PCGF3: variants seen among roughly 807,000 people sequenced by gnomAD.
The protein encoded by PCGF3 is polycomb group ring finger 3.
A neutral mutation model predicts 33.1 loss-of-function variants in PCGF3; 7 were observed. That is an observed-to-expected ratio of 0.21 (90% CI 0.12 to 0.40). The LOEUF is 0.40. Among genes scored for constraint, PCGF3 ranks in the 10% least tolerant of loss-of-function variants. PCGF3 has a pLI of 1.00. For missense variants in PCGF3, 211 were observed against 313.3 expected, an observed-to-expected ratio of 0.67 and a Z score of 2.46; for synonymous variants, 153 against 121.3, an observed-to-expected ratio of 1.26 and a Z score of -1.72.
rs865931648 is a variant in PCGF3, at chr4:707,766, T to C, written c.-190+1796T>C. ...ACCCTGAGACAGCTCTGTTTTCACC[T>C]GGGGGCCGGGACCCTGGGACAGCTC... is the stretch of plus-strand genomic sequence containing the variant. On this transcript the variant is annotated intron_variant, in intron 1 of 10. Transcript: ENST00000362003. Among the ~76,000 whole-genome samples, 29 of 111,182 alleles carry C rather than the reference T, an allele frequency of 2.6e-4. 2 individuals are homozygous for C. Among genetic ancestry groups the C allele is most frequent in the East Asian group, 3.3e-4 (1 of 3,068 alleles). The allele number at this position is 111,182 out of a possible 152,430, so 72.9% of individuals were successfully genotyped here. A position where few individuals can be genotyped will look rare whatever the true frequency, so the allele number is the denominator to read the frequency against.
chr4:761,318 G>C (rs547312640), exon 9 of PCGF3: 2 of 1,606,876 alleles, frequency 1.2e-6, no homozygotes, highest in East Asian at 2.2e-5. Flanking sequence ...CAAACTGCGC[G>C]GGCTGAAGCG....
chr4:763,333 G>A (rs753722845), intron 9 of PCGF3, among the ~76,000 whole-genome samples: 4 of 152,120 alleles, frequency 2.6e-5, no homozygotes, highest in Non-Finnish European at 4.4e-5. Flanking sequence ...GTGGGGAAGA[G>A]GTTGGCCATT....
chr4:733,056 GC>G (rs1262963541), intron 3 of PCGF3, among the ~76,000 whole-genome samples: 41 of 141,306 alleles, frequency 2.9e-4, no homozygotes, highest in African/African-American at 1.0e-3. Flanking sequence ...TGGGGCCCCT[GC>G]CGCGTGCTGC....
At chr4:729,901 A>G (rs1042518768) in intron 1 of PCGF3, among the ~76,000 whole-genome samples, 1 of 151,956 alleles carries the variant, frequency 6.6e-6, no homozygotes, top group Non-Finnish European at 1.5e-5. Context: ...TGTTTCCCCA[A>G]CTCACACAGG....
intron 5 of PCGF3, 88 bp from the exon 6 acceptor site, chr4:737,378 C>G: frequency 2.2e-6 from 2 of 891,046 alleles, no homozygotes; most frequent in Non-Finnish European, 3.7e-6. Context: ...ACTGGTGATT[C>G]TGAACTTTGA....
At chr4:743,354 TTAG>T (rs1171106652) in intron 6 of PCGF3, 117 bp from the exon 7 acceptor site, 2 of 646,640 alleles carry the variant, frequency 3.1e-6, no homozygotes, top group Non-Finnish European at 5.6e-6. Flanking sequence ...TGCTTTCTTA[TTAG>T]TAGCCTTCAA....
intron 8 of PCGF3, among the ~76,000 whole-genome samples, chr4:748,254 C>G (rs148513298): frequency 1.3e-5 from 2 of 151,262 alleles, no homozygotes; most frequent in Non-Finnish European, 2.9e-5. Flanking sequence ...GGCTGGAATG[C>G]GGTGGCACCA....
At chr4:738,105 G>A (rs1743914880) in intron 6 of PCGF3, among the ~76,000 whole-genome samples, 1 of 152,244 alleles carries the variant, frequency 6.6e-6, no homozygotes, top group African/African-American at 2.4e-5. Context: ...GCCAAGGAGG[G>A]GCCAGGTCAG....
intron 1 of PCGF3, among the ~76,000 whole-genome samples, chr4:730,312 T>A (rs1337694145): frequency 1.3e-5 from 2 of 152,072 alleles, no homozygotes; most frequent in Non-Finnish European, 2.9e-5. Context: ...TCTGGGGGGC[T>A]CCACAGACTC....
chr4:707,487 G>C (rs967589737), intron 1 of PCGF3, among the ~76,000 whole-genome samples: 1 of 141,356 alleles, frequency 7.1e-6, no homozygotes, highest in Non-Finnish European at 1.5e-5. Flanking sequence ...CCTGGGGGCC[G>C]GGACCCTGGG....
chr4:741,920 T>C (rs1744109947), intron 6 of PCGF3, among the ~76,000 whole-genome samples: 1 of 152,178 alleles, frequency 6.6e-6, no homozygotes, highest in Non-Finnish European at 1.5e-5. Context: ...TGCAGACTGA[T>C]GGGAACAGCC....
At chr4:715,688 T>C (rs375438765) in intron 1 of PCGF3, among the ~76,000 whole-genome samples, 8 of 123,232 alleles carry the variant, frequency 6.5e-5, no homozygotes, top group South Asian at 3.0e-4. Flanking sequence ...GTGTGAGAAC[T>C]GGGCGTCGGT....
At chr4:739,719 G>A (rs573734263) in intron 6 of PCGF3, among the ~76,000 whole-genome samples, 106 of 152,168 alleles carry the variant, frequency 7.0e-4, no homozygotes, top group Non-Finnish European at 4.0e-4. Context: ...CCGTTCCATC[G>A]CTCGTCTCCA....
At chr4:715,190 A>T in intron 1 of PCGF3, among the ~76,000 whole-genome samples, 7 of 137,538 alleles carry the variant, frequency 5.1e-5, no homozygotes, top group South Asian at 2.5e-4. Flanking sequence ...CCCTGTAGAC[A>T]CTGCGAGTGT....
At chr4:728,641 C>T (rs1743427056) in intron 1 of PCGF3, among the ~76,000 whole-genome samples, 1 of 152,178 alleles carries the variant, frequency 6.6e-6, no homozygotes. Flanking sequence ...AAATAATTGA[C>T]CTGTTTGTTA....
exon 11 of PCGF3, chr4:766,103 A>G: frequency 6.2e-7 from 1 of 1,611,604 alleles, no homozygotes; most frequent in Non-Finnish European, 8.5e-7. Context: ...GCGCCCACAG[A>G]CTGGGCCCTC....
At chr4:738,868 A>C (rs1233763136) in intron 6 of PCGF3, among the ~76,000 whole-genome samples, 1 of 149,180 alleles carries the variant, frequency 6.7e-6, no homozygotes, top group East Asian at 2.1e-4. Context: ...CAAAAAAATA[A>C]ATAAATAAAT....
intron 10 of PCGF3, 58 bp downstream of exon 10, chr4:765,122 C>A: frequency 8.5e-7 from 1 of 1,181,772 alleles, no homozygotes; most frequent in Admixed American, 1.8e-5. Flanking sequence ...CTTTGCTGTG[C>A]ATCTCTTATC....
At chr4:719,118 C>T (rs1742974301) in intron 1 of PCGF3, among the ~76,000 whole-genome samples, 1 of 152,162 alleles carries the variant, frequency 6.6e-6, no homozygotes, top group African/African-American at 2.4e-5. Context: ...CCATGCCCGG[C>T]TATTTTTTGT....
Sources: allele counts gnomAD v4.1 joint callset (sites outside exome capture counted in the v4.1 genomes callset), GRCh38; gene constraint gnomAD v4.1.1; transcripts MANE v1.5; gene names NCBI Gene and HGNC (gene_info 2026-07-23, HGNC 2026-07-21).